GRAMD1B: variants seen among roughly 807,000 people sequenced by gnomAD.
GRAMD1B encodes protein Aster-B.
In GRAMD1B, 37 loss-of-function variants were observed where a neutral mutation model predicts 99.7. The observed-to-expected ratio is 0.37, with a 90% CI of 0.29 to 0.49. GRAMD1B has a LOEUF of 0.49. GRAMD1B is among the 20% of genes least tolerant of loss of function. The probability of loss-of-function intolerance (pLI) is 0.98; values close to 1 mark genes in which losing one functional copy is unlikely to be tolerated. For synonymous variants in GRAMD1B, 427 were observed against 387.6 expected, an observed-to-expected ratio of 1.10 and a Z score of -1.19; for missense variants, 888 against 1,009.2, an observed-to-expected ratio of 0.88 and a Z score of 1.63.
At chr11:123,361,337 T>C (rs1318685598) in intron 1 of GRAMD1B, among the ~76,000 whole-genome samples, 1 of 152,324 alleles carries the variant, frequency 6.6e-6, no homozygotes, top group African/African-American at 2.4e-5. Context: ...AACTGTCGGC[T>C]GCTTTTGCAC....
At chr11:123,612,618 A>T (rs546798549) in intron 14 of GRAMD1B, 143 bp from the exon 15 acceptor site, 10 of 687,978 alleles carry the variant, frequency 1.5e-5, no homozygotes, top group Non-Finnish European at 2.4e-5. Context: ...TCAGAGGGTG[A>T]GATGGATGTG....
At chr11:123,566,118 T>C (rs898141269) in intron 2 of GRAMD1B, among the ~76,000 whole-genome samples, 4 of 152,198 alleles carry the variant, frequency 2.6e-5, no homozygotes, top group African/African-American at 9.6e-5. Context: ...TATAGGAAGC[T>C]CTTTACTTTT....
intron 19 of GRAMD1B, among the ~76,000 whole-genome samples, chr11:123,620,569 G>T (rs1332401147): frequency 6.6e-6 from 1 of 151,948 alleles, no homozygotes; most frequent in East Asian, 1.9e-4. Context: ...CTTAAGGAGG[G>T]CATTTTTTAT....
chr11:123,389,398 A>G (rs1947194579), intron 1 of GRAMD1B, among the ~76,000 whole-genome samples: 1 of 151,706 alleles, frequency 6.6e-6, no homozygotes, highest in Non-Finnish European at 1.5e-5. Flanking sequence ...AAAAAAAAAA[A>G]TCCCAACTGA....
intron 2 of GRAMD1B, among the ~76,000 whole-genome samples, chr11:123,552,526 C>T (rs1472661838): frequency 6.6e-6 from 1 of 151,684 alleles, no homozygotes; most frequent in Admixed American, 6.6e-5. Context: ...GCTGGGATTA[C>T]AGGTGTGAGC....
chr11:123,365,287 C>T (rs1206351612), intron 1 of GRAMD1B, among the ~76,000 whole-genome samples: 4 of 151,648 alleles, frequency 2.6e-5, no homozygotes, highest in African/African-American at 7.3e-5. Context: ...CGTCTCACAC[C>T]GTTGCCCAGG....
chr11:123,562,528 A>G (rs1334789649), intron 2 of GRAMD1B, among the ~76,000 whole-genome samples: 1 of 152,222 alleles, frequency 6.6e-6, no homozygotes, highest in African/African-American at 2.4e-5. Flanking sequence ...AACTTTATTT[A>G]TGGACTCTGA....
chr11:123,546,625 G>A (rs73027952), intron 2 of GRAMD1B, among the ~76,000 whole-genome samples: 14,278 of 152,260 alleles, frequency 0.094, 754 homozygotes, highest in East Asian at 0.25. Flanking sequence ...CTGGAAAAGG[G>A]CCATTGGTCG....
At chr11:123,566,105 A>G (rs929838092) in intron 2 of GRAMD1B, among the ~76,000 whole-genome samples, 4 of 152,192 alleles carry the variant, frequency 2.6e-5, no homozygotes, top group Non-Finnish European at 5.9e-5. Context: ...CTCCATGAGC[A>G]ATTATAGGAA....
chr11:123,401,893 G>A (rs2135921527), intron 1 of GRAMD1B, among the ~76,000 whole-genome samples: 1 of 152,226 alleles, frequency 6.6e-6, no homozygotes, highest in Admixed American at 6.5e-5. Flanking sequence ...GGGTGACAGA[G>A]CAAGACCCTG....
chr11:123,484,861 C>T (rs1472746784), intron 2 of GRAMD1B, among the ~76,000 whole-genome samples: 2 of 152,138 alleles, frequency 1.3e-5, no homozygotes, highest in African/African-American at 4.8e-5. Context: ...TTCTTCCTAC[C>T]CAGTTAAGAG....
intron 2 of GRAMD1B, among the ~76,000 whole-genome samples, chr11:123,504,351 T>C (rs1367828907): frequency 6.6e-6 from 1 of 152,188 alleles, no homozygotes; most frequent in Non-Finnish European, 1.5e-5. Flanking sequence ...TCCTGATATC[T>C]CCCTCATAGC....
intron 1 of GRAMD1B, among the ~76,000 whole-genome samples, chr11:123,423,055 A>G (rs1455531622): frequency 6.6e-6 from 1 of 152,132 alleles, no homozygotes; most frequent in East Asian, 1.9e-4. Context: ...GAAACTTCAC[A>G]CTACTTACTA....
chr11:123,396,716 G>A (rs1261990977), intron 1 of GRAMD1B, among the ~76,000 whole-genome samples: 1 of 152,190 alleles, frequency 6.6e-6, no homozygotes, highest in Non-Finnish European at 1.5e-5. Context: ...TTTGTGGTTT[G>A]CAAGAATATC....
Position 123,549,836 on chromosome 11 carries a change from G to T in GRAMD1B, c.453-27531G>T, listed in dbSNP as rs928551212. On this transcript the variant is annotated intron_variant, in intron 2 of 19. Coordinates refer to ENST00000635736, the MANE Select transcript of GRAMD1B (RefSeq NM_001387025.1). ...ATATTGCATCCCTAACCAGGAAAAG[G>T]CCTGTCTGGAAACAAATGCATGAGC... is the stretch of plus-strand genomic sequence containing the variant. Among the ~76,000 whole-genome samples the T allele has an allele frequency of 4.6e-5, 7 of 152,150 alleles. 1 individual carries two copies.
At chr11:123,456,830 G>A (rs997114403) in intron 1 of GRAMD1B, among the ~76,000 whole-genome samples, 2 of 148,532 alleles carry the variant, frequency 1.3e-5, no homozygotes, top group Admixed American at 6.9e-5. Context: ...TGAGGCAGGA[G>A]AATCACTTGA....
At position 123,461,219 on chromosome 11, in the gene GRAMD1B, T is replaced by G. The variant is rs369488582; in HGVS notation, c.375-19597T>G. The stretch of plus-strand genomic sequence containing the variant: ...ATGTTCTTGTCAGTTCAGTCGTCTT[T>G]CTGGGGAATCAGCTGCCCCGACTGA... On this transcript the variant is annotated intron_variant, in intron 1 of 19. Transcript: ENST00000635736. Among the ~76,000 whole-genome samples the G allele has an allele frequency of 4.6e-5, 7 of 152,338 alleles. No individual in the cohort carries two copies. In the South Asian group the frequency reaches 1.0e-3, roughly 23 times the overall value.
chr11:123,375,708 A>G (rs1194357650), intron 1 of GRAMD1B, among the ~76,000 whole-genome samples: 1 of 152,230 alleles, frequency 6.6e-6, no homozygotes, highest in African/African-American at 2.4e-5. Context: ...GAAAATAAAT[A>G]AGAAACACAT....
chr11:123,530,456 C>G (rs1943236761), intron 2 of GRAMD1B, among the ~76,000 whole-genome samples: 1 of 152,190 alleles, frequency 6.6e-6, no homozygotes, highest in South Asian at 2.1e-4. Context: ...TGGCTCACTG[C>G]AACTTCCCCG....
Sources: allele counts gnomAD v4.1 joint callset (sites outside exome capture counted in the v4.1 genomes callset), GRCh38; gene constraint gnomAD v4.1.1; transcripts MANE v1.5; gene names NCBI Gene and HGNC (gene_info 2026-07-23, HGNC 2026-07-21).